The following SYT1 variants were observed in gnomAD, a reference collection of about 807,000 sequenced individuals.
SYT1 encodes the protein synaptotagmin-1.
SYT1 carries 8 observed loss-of-function variants against 44.8 expected under a neutral mutation model. The observed-to-expected ratio is 0.18, with a 90% confidence interval of 0.10 to 0.32. The LOEUF is 0.32. Ranked by LOEUF, SYT1 falls within the 10% of genes least tolerant of loss-of-function variation. SYT1 has a pLI of 1.00. For synonymous variants in SYT1, 154 were observed against 188.8 expected, an observed-to-expected ratio of 0.82 and a Z score of 1.51; for missense variants, 286 against 509.3, an observed-to-expected ratio of 0.56 and a Z score of 4.22.
intron 3 of SYT1, among the ~76,000 whole-genome samples, chr12:79,169,465 A>C (rs1398346141): frequency 6.6e-6 from 1 of 152,046 alleles, no homozygotes; most frequent in African/African-American, 2.4e-5. Flanking sequence ...GCTTATTATC[A>C]CATGAATTTG....
intron 1 of SYT1, among the ~76,000 whole-genome samples, chr12:78,865,985 G>C (rs2137026439): frequency 6.6e-6 from 1 of 152,050 alleles, no homozygotes; most frequent in East Asian, 1.9e-4. Context: ...CCTGTTGTTG[G>C]GGGATCAAAA....
chr12:79,436,156 C>T (rs924311614), intron 9 of SYT1, among the ~76,000 whole-genome samples: 1 of 152,098 alleles, frequency 6.6e-6, no homozygotes, highest in Non-Finnish European at 1.5e-5. Flanking sequence ...ACTTTTGAAG[C>T]TTTCTATCAT....
At chr12:79,391,719 A>G (rs116758589) in intron 9 of SYT1, among the ~76,000 whole-genome samples, 1 of 152,244 alleles carries the variant, frequency 6.6e-6, no homozygotes, top group Non-Finnish European at 1.5e-5. Flanking sequence ...GACAGTAAGA[A>G]TTACAAATGA....
chr12:79,366,972 G>T (rs929524153), intron 9 of SYT1, among the ~76,000 whole-genome samples: 3 of 146,762 alleles, frequency 2.0e-5, no homozygotes, highest in African/African-American at 7.5e-5. Flanking sequence ...TTCATTATTT[G>T]GATGGCAGTT....
At chr12:78,926,807 C>G (rs1565720866) in intron 1 of SYT1, 1 of 151,972 alleles carries the variant, frequency 6.6e-6, no homozygotes, top group Non-Finnish European at 1.5e-5. Context: ...TAGAAACTTT[C>G]TTTGTCCATA....
At chr12:79,436,694 G>A (rs919363397) in intron 9 of SYT1, among the ~76,000 whole-genome samples, 1 of 152,304 alleles carries the variant, frequency 6.6e-6, no homozygotes, top group African/African-American at 2.4e-5. Context: ...CCTGAGAAGA[G>A]GGGGGTGGTG....
chr12:78,933,313 A>G (rs923477622), intron 1 of SYT1, among the ~76,000 whole-genome samples: 4 of 152,166 alleles, frequency 2.6e-5, no homozygotes, highest in Non-Finnish European at 4.4e-5. Context: ...AGCCTCTAAG[A>G]AACTCTTACC....
intron 9 of SYT1, among the ~76,000 whole-genome samples, chr12:79,374,800 G>A (rs1210513501): frequency 6.6e-6 from 1 of 152,222 alleles, no homozygotes; most frequent in Non-Finnish European, 1.5e-5. Context: ...TGGTGGTAGT[G>A]AGATGGATTT....
chr12:79,026,234 G>T (rs752159943), intron 2 of SYT1, among the ~76,000 whole-genome samples: 2 of 151,556 alleles, frequency 1.3e-5, no homozygotes, highest in South Asian at 2.1e-4. Context: ...TTATTAACTT[G>T]TTGGGCATAG....
rs199999817 is a variant in SYT1, at chr12:79,308,612, A to AAAAG, written c.810+9105_810+9108dup. Among the ~76,000 whole-genome samples the AAAAG allele has an allele frequency of 5.0e-3, 667 of 134,300 alleles. 2 individuals carry two copies. Among genetic ancestry groups the AAAAG allele is most frequent in the Middle Eastern group, 0.011 (3 of 270 alleles). The allele number at this position is 134,300 out of a possible 152,430, so 88.1% of individuals were successfully genotyped here. A position where few individuals can be genotyped will look rare whatever the true frequency, so the allele number is the denominator to read the frequency against. The stretch of plus-strand genomic sequence containing the variant: ...GAAAGAAGAAAGAAAGAAAGAAAGA[A>AAAAG]AAAGAAAGAAAGAAAGAAAGAAAGA... On this transcript the variant is annotated intron_variant, in intron 8 of 10. Coordinates refer to ENST00000261205, the MANE Select transcript of SYT1 (RefSeq NM_005639.3).
At chr12:79,057,302 C>T (rs1045767507) in intron 3 of SYT1, among the ~76,000 whole-genome samples, 1 of 151,898 alleles carries the variant, frequency 6.6e-6, no homozygotes, top group African/African-American at 2.4e-5. Context: ...TCAAAGGAAT[C>T]CTGGCAAAGC....
chr12:79,208,454 GA>G (rs1216766385), intron 3 of SYT1, among the ~76,000 whole-genome samples: 1 of 152,008 alleles, frequency 6.6e-6, no homozygotes, highest in African/African-American at 2.4e-5. Context: ...TCCCATTAGG[GA>G]AAAAAATAAT....
intron 9 of SYT1, among the ~76,000 whole-genome samples, chr12:79,433,815 A>C (rs773770825): frequency 8.9e-4 from 135 of 152,188 alleles, no homozygotes; most frequent in Non-Finnish European, 1.8e-3. Context: ...AAATCTGAAC[A>C]AAAAACATCC....
At chr12:79,265,154 C>A (rs1407581262) in intron 4 of SYT1, among the ~76,000 whole-genome samples, 1 of 151,996 alleles carries the variant, frequency 6.6e-6, no homozygotes, top group African/African-American at 2.4e-5. Context: ...TTCTTAGTAT[C>A]CACTACACTA....
chr12:78,933,909 G>A (rs1043285259), intron 1 of SYT1, among the ~76,000 whole-genome samples: 3 of 151,886 alleles, frequency 2.0e-5, no homozygotes, highest in African/African-American at 7.3e-5. Flanking sequence ...TGTCTGTTTG[G>A]TTATTTCCAG....
At chr12:79,161,258 A>G (rs1870931763) in intron 3 of SYT1, among the ~76,000 whole-genome samples, 1 of 152,064 alleles carries the variant, frequency 6.6e-6, no homozygotes, top group African/African-American at 2.4e-5. Context: ...GGGGGATTAT[A>G]AGACTGTATT....
Position 79,333,517 on chromosome 12 carries a change from T to C in SYT1, c.811-19985T>C, listed in dbSNP as rs73352973. Among the ~76,000 whole-genome samples, 1,006 of 152,290 alleles carry C rather than the reference T, an allele frequency of 6.6e-3. 9 individuals carry two copies. Among genetic ancestry groups the C allele is most frequent in the African/African-American group, 0.023 (955 of 41,552 alleles). ...ATATTCCACCTCAGCTACTATGTCATCAAGTAATCAGGGCTTTTTTGCATT... is the reference window on the plus strand; with the variant it reads ...ATATTCCACCTCAGCTACTATGTCACCAAGTAATCAGGGCTTTTTTGCATT... On this transcript the variant is annotated intron_variant, in intron 8 of 10. Transcript: ENST00000261205.
intron 3 of SYT1, among the ~76,000 whole-genome samples, chr12:79,064,996 G>C (rs1875727703): frequency 7.1e-6 from 1 of 140,640 alleles, no homozygotes; most frequent in Non-Finnish European, 1.6e-5. Context: ...AAGAAAGAAA[G>C]AAAAGGAAAC....
chr12:79,192,761 G>A (rs955913097), intron 3 of SYT1, among the ~76,000 whole-genome samples: 1 of 152,142 alleles, frequency 6.6e-6, no homozygotes, highest in Non-Finnish European at 1.5e-5. Context: ...TCCCAACATT[G>A]ACCTCACAGT....
Sources: gnomAD v4.1 joint callset for allele counts (sites outside exome capture counted in the v4.1 genomes callset) on GRCh38, gnomAD v4.1.1 for gene constraint, MANE v1.5 for transcripts, NCBI Gene and HGNC (gene_info 2026-07-23, HGNC 2026-07-21) for gene names.